The following RANBP2 variants were observed in gnomAD, a reference collection of about 807,000 sequenced individuals.
RANBP2 encodes the protein RAN binding protein 2.
In RANBP2, 57 loss-of-function variants were observed where a neutral mutation model predicts 303.6. The ratio of observed to expected loss-of-function variants is 0.19; its 90% CI spans 0.15 to 0.23. The LOEUF is 0.23. Ranked by LOEUF, RANBP2 falls within the 10% of genes least tolerant of loss-of-function variation. The pLI is 1.00. For synonymous variants in RANBP2, 1,167 were observed against 1,301.5 expected (o/e 0.90, Z 2.23); for missense variants, 3,138 against 3,780.8 (o/e 0.83, Z 4.46).
the RANBP2 span, among the ~76,000 whole-genome samples, chr2:109,532,495 T>C: frequency 1.1e-4 from 16 of 152,146 alleles, no homozygotes; most frequent in Non-Finnish European, 1.9e-4. Context: ...TGCCCCCACC[T>C]GTGACTTCCC....
the RANBP2 span, among the ~76,000 whole-genome samples, chr2:109,304,204 T>G: frequency 6.6e-6 from 1 of 152,134 alleles, no homozygotes; most frequent in Non-Finnish European, 1.5e-5. Context: ...CAGAACTTAC[T>G]CATCTTGCAG....
At chr2:108,989,562 C>T in the RANBP2 span, among the ~76,000 whole-genome samples, 7 of 152,256 alleles carry the variant, frequency 4.6e-5, no homozygotes, top group Non-Finnish European at 8.8e-5. Flanking sequence ...TGCCACTGCA[C>T]GGATTCAGCT....
chr2:109,300,729 T>C, the RANBP2 span, among the ~76,000 whole-genome samples: 1 of 152,224 alleles, frequency 6.6e-6, no homozygotes, highest in African/African-American at 2.4e-5. Context: ...GAGCACACTC[T>C]TCAGAGCCCA....
the RANBP2 span, among the ~76,000 whole-genome samples, chr2:109,519,833 A>AG: frequency 2.0e-5 from 3 of 152,106 alleles, no homozygotes; most frequent in Non-Finnish European, 4.4e-5. Context: ...AAATTACGAA[A>AG]TGATAGAGAT....
At chr2:109,156,944 A>G in the RANBP2 span, among the ~76,000 whole-genome samples, 32 of 152,356 alleles carry the variant, frequency 2.1e-4, no homozygotes, top group Admixed American at 1.8e-3. Flanking sequence ...TTTCTTATTT[A>G]AAGACTACCA....
the RANBP2 span, among the ~76,000 whole-genome samples, chr2:109,463,388 G>C: frequency 6.6e-6 from 1 of 152,136 alleles, no homozygotes; most frequent in Non-Finnish European, 1.5e-5. Flanking sequence ...CCTTGCTCTG[G>C]GACCCAGTCA....
the RANBP2 span, chr2:109,614,469 G>T: frequency 1.6e-6 from 2 of 1,218,408 alleles, no homozygotes; most frequent in South Asian, 3.9e-5. Context: ...GCCCGCTGGC[G>T]GGGGAGCAGC....
chr2:109,534,145 C>G, the RANBP2 span, among the ~76,000 whole-genome samples: 1 of 152,180 alleles, frequency 6.6e-6, no homozygotes. Context: ...TGTGGACGAG[C>G]CTCTGCCAGT....
the RANBP2 span, chr2:109,542,840 T>A: frequency 6.6e-6 from 1 of 152,408 alleles, no homozygotes; most frequent in Admixed American, 6.5e-5. Context: ...GATGACTCTA[T>A]GATTGCTCAG....
At chr2:108,920,341 C>G in the RANBP2 span, among the ~76,000 whole-genome samples, 1 of 152,208 alleles carries the variant, frequency 6.6e-6, no homozygotes, top group Admixed American at 6.5e-5. Context: ...AAGCCTGATG[C>G]TGGACCCTAT....
chr2:108,870,528 A>G, the RANBP2 span, among the ~76,000 whole-genome samples: 2 of 152,250 alleles, frequency 1.3e-5, no homozygotes, highest in African/African-American at 4.8e-5. Context: ...CACATTTGAT[A>G]AACCCAGAGT....
the RANBP2 span, among the ~76,000 whole-genome samples, chr2:109,646,154 T>C: frequency 6.6e-6 from 1 of 152,138 alleles, no homozygotes; most frequent in African/African-American, 2.4e-5. Context: ...TGATTTTATT[T>C]CTGGTCTTCT....
At chr2:109,674,222 T>C in the RANBP2 span, among the ~76,000 whole-genome samples, 12 of 151,752 alleles carry the variant, frequency 7.9e-5, no homozygotes, top group Admixed American at 7.9e-4. Flanking sequence ...TGAAGATAAT[T>C]GTGCTTGAAT....
At chr2:108,772,048 C>T (rs1322140656) in intron 21 of RANBP2, among the ~76,000 whole-genome samples, 177 bp downstream of exon 21, 1 of 152,128 alleles carries the variant, frequency 6.6e-6, no homozygotes, top group Admixed American at 6.5e-5. Context: ...AAAAGGACTG[C>T]AATCATTAAG....
At chr2:109,677,323 G>A in the RANBP2 span, among the ~76,000 whole-genome samples, 6 of 152,060 alleles carry the variant, frequency 3.9e-5, no homozygotes, top group Non-Finnish European at 8.8e-5. Flanking sequence ...CCTGCCCGAC[G>A]TTTCTCTGAA....
the RANBP2 span, among the ~76,000 whole-genome samples, chr2:109,589,995 A>C: frequency 6.6e-6 from 1 of 151,460 alleles, no homozygotes; most frequent in African/African-American, 2.4e-5. Context: ...CATTATGTGC[A>C]TTTTTCACAT....
At chr2:109,673,319 T>C in the RANBP2 span, among the ~76,000 whole-genome samples, 1 of 152,238 alleles carries the variant, frequency 6.6e-6, no homozygotes, top group African/African-American at 2.4e-5. Context: ...GTAGGTCTTG[T>C]TGCCAATCTT....
chr2:109,077,222 A>G, the RANBP2 span, among the ~76,000 whole-genome samples: 1 of 150,756 alleles, frequency 6.6e-6, no homozygotes, highest in Non-Finnish European at 1.5e-5. Flanking sequence ...CACACCATAT[A>G]CAAAAGTCAG....
the RANBP2 span, among the ~76,000 whole-genome samples, chr2:109,337,150 G>A: frequency 2.0e-5 from 3 of 152,232 alleles, no homozygotes; most frequent in Non-Finnish European, 4.4e-5. Context: ...TTCTAGAGAG[G>A]GAGGTACGAA....
Sources: allele counts gnomAD v4.1 joint callset (sites outside exome capture counted in the v4.1 genomes callset), GRCh38; gene constraint gnomAD v4.1.1; transcripts MANE v1.5; gene names NCBI Gene and HGNC (gene_info 2026-07-23, HGNC 2026-07-21).